KCNQ1: variants seen among roughly 807,000 people sequenced by gnomAD.
The protein encoded by KCNQ1 is potassium voltage-gated channel subfamily Q member 1.
A neutral mutation model predicts 72.4 loss-of-function variants in KCNQ1; 49 were observed. The ratio of observed to expected loss-of-function variants is 0.68; its 90% confidence interval spans 0.54 to 0.86. The LOEUF is 0.86. KCNQ1 is among the 40% of genes least tolerant of loss of function. KCNQ1 has a pLI of 0.00. For missense variants in KCNQ1, 790 were observed against 945.1 expected (o/e 0.84, Z 2.15); for synonymous variants, 450 against 412.6 (o/e 1.09, Z -1.10).
At chr11:2,794,414 G>T (rs528014176) in intron 15 of KCNQ1, among the ~76,000 whole-genome samples, 2 of 152,322 alleles carry the variant, frequency 1.3e-5, no homozygotes, top group South Asian at 4.1e-4. Context: ...CAAAACCCCA[G>T]TGCTTAGAGA....
rs914631826 is a variant in KCNQ1 at position 2,563,100 on chromosome 11, C to G, written c.478-7528C>G. Among the ~76,000 whole-genome samples, 5 of 152,168 alleles carry G rather than the reference C, an allele frequency of 3.3e-5. No homozygotes were observed. The highest frequency in any genetic ancestry group is 1.2e-4 in the African/African-American group (5 of 41,428). Reference sequence around the variant, plus strand: ...TTTCAGGCTGCCCTGTGATCTTTCCCACGTGATTGATTGACACAGGGACCT... The same window carrying G: ...TTTCAGGCTGCCCTGTGATCTTTCCGACGTGATTGATTGACACAGGGACCT... On this transcript the variant is annotated intron_variant, in intron 2 of 15. Coordinates refer to ENST00000155840, the MANE Select transcript of KCNQ1 (RefSeq NM_000218.3). This position sits in a 1 kb window ranked among gnomAD's most constrained non-coding sequence, Gnocchi z 7.4.
intron 12 of KCNQ1, 131 bp from the exon 13 acceptor site, chr11:2,775,829 G>T: frequency 1.2e-6 from 1 of 853,776 alleles, no homozygotes. Context: ...CCAGGCTTAT[G>T]CCATCACCAC....
rs1461520198 is a variant in KCNQ1 at position 2,848,781 on chromosome 11, AAC to A, written c.*784_*785del. The A allele has an allele frequency of 6.6e-6, 3 of 454,092 alleles. No homozygotes were observed. The highest frequency in any genetic ancestry group is 4.7e-5 in the South Asian group (3 of 64,472). The allele number at this position is 454,092 out of a possible 1,614,324, so 28.1% of individuals were successfully genotyped here. On this transcript the variant is annotated 3_prime_UTR_variant, in exon 16 of 16. Transcript: ENST00000155840. Reference sequence around the variant, plus strand: ...CTCGCCCAGTCCCAGCAGCCAGCCAAACACACAGAAGGGGACTGCCACCTCCC... The same window carrying A: ...CTCGCCCAGTCCCAGCAGCCAGCCAAACACAGAAGGGGACTGCCACCTCCC...
intron 11 of KCNQ1, among the ~76,000 whole-genome samples, chr11:2,740,891 A>C (rs1482835603): frequency 6.6e-6 from 1 of 152,196 alleles, no homozygotes; most frequent in Admixed American, 6.5e-5. Flanking sequence ...ACATTGGGCC[A>C]CCCAGAGAAC....
rs1372393402 is a variant in KCNQ1, at chr11:2,659,804, TTG to T, written c.1394-2154_1394-2153del. On this transcript the variant is annotated intron_variant, in intron 10 of 15. Coordinates refer to ENST00000155840, the MANE Select transcript of KCNQ1 (RefSeq NM_000218.3). This position sits in a 1 kb window ranked among gnomAD's most constrained non-coding sequence, Gnocchi z 4.3. The stretch of plus-strand genomic sequence containing the variant: ...TTTTTTTTTAATTTATGGAATTTCA[TTG>T]TGATTCTAATTTGCATTTCCATATT... 2 of 398,502 alleles carry T rather than the reference TTG, an allele frequency of 5.0e-6. No individual in the cohort carries two copies. Among genetic ancestry groups the T allele is most frequent in the African/African-American group, 4.1e-5 (2 of 48,742 alleles). The allele number at this position is 398,502 out of a possible 1,614,324, so 24.7% of individuals were successfully genotyped here.
intron 2 of KCNQ1, among the ~76,000 whole-genome samples, chr11:2,534,230 C>A (rs902959738): frequency 6.6e-6 from 1 of 152,212 alleles, no homozygotes; most frequent in Non-Finnish European, 1.5e-5. Flanking sequence ...CTGTCCTCAG[C>A]GCCCTGGCCT....
intron 15 of KCNQ1, among the ~76,000 whole-genome samples, chr11:2,801,077 A>G (rs112909364): frequency 0.012 from 1,822 of 152,292 alleles, 33 homozygotes; most frequent in African/African-American, 0.041. Context: ...AGGGCCAGGC[A>G]GTGGCTCCTG....
In KCNQ1 at chr11:2,668,675, C is replaced by CAG. The variant is rs954593533; in HGVS notation, c.1514+6604_1514+6605dup. 1.5e-5 allele frequency: 6 copies of CAG among 398,514 alleles called. No homozygotes were observed. The Admixed American group carries it at 1.8e-4, about 12-fold the overall frequency. 24.7% of individuals were successfully genotyped at this position (398,514 alleles called of 1,614,324 possible). ...CTTTAGATATTCTGGAGTCATTTGT[C>CAG]AGAGAGAGAGATACACACACTCACA... On this transcript the variant is annotated intron_variant, in intron 11 of 15. Transcript: ENST00000155840. The surrounding 1 kb of genome is among the most constrained non-coding windows in gnomAD (Gnocchi z 4.3).
In KCNQ1 at chr11:2,612,803, C is replaced by A. The variant is rs763561778; in HGVS notation, c.1393+23949C>A. 2.5e-6 allele frequency: 1 copy of A among 398,334 alleles called. No homozygotes were observed. The highest frequency in any genetic ancestry group is 4.4e-6 in the Non-Finnish European group (1 of 226,024). 24.7% of individuals were successfully genotyped at this position (398,334 alleles called of 1,614,324 possible). ...CACAATTTTCTGTTTCTTTGCATATCTCATTTTTTTTGTTAAAAACTTACT... is the reference window on the plus strand; with the variant it reads ...CACAATTTTCTGTTTCTTTGCATATATCATTTTTTTTGTTAAAAACTTACT... On this transcript the variant is annotated intron_variant, in intron 10 of 15. Coordinates refer to ENST00000155840, the MANE Select transcript of KCNQ1 (RefSeq NM_000218.3). This position sits in a 1 kb window ranked among gnomAD's most constrained non-coding sequence, Gnocchi z 5.5.
intron 10 of KCNQ1, chr11:2,629,480 G>C (rs2133814228): frequency 5.0e-6 from 2 of 398,396 alleles, no homozygotes; most frequent in Admixed American, 8.8e-5. Flanking sequence ...ATTTAGGTCT[G>C]TGGTCCACTT....
rs912283343 is a variant in KCNQ1, at chr11:2,627,969, C to T, written c.1394-33992C>T. On this transcript the variant is annotated intron_variant, in intron 10 of 15. Coordinates refer to ENST00000155840, the MANE Select transcript of KCNQ1 (RefSeq NM_000218.3). The surrounding 1 kb of genome is among the most constrained non-coding windows in gnomAD (Gnocchi z 4.9). Reference sequence around the variant, plus strand: ...GTATCACTATGTTTCCTAGGCTGGTCTCAAACTCCTGTGTTCAAGCTATCC... The same window carrying T: ...GTATCACTATGTTTCCTAGGCTGGTTTCAAACTCCTGTGTTCAAGCTATCC... 7 of 398,440 alleles carry T rather than the reference C, an allele frequency of 1.8e-5. No individual in the cohort carries two copies. The highest frequency in any genetic ancestry group is 1.2e-4 in the African/African-American group (6 of 48,586). The allele number at this position is 398,440 out of a possible 1,614,324, so 24.7% of individuals were successfully genotyped here.
intron 14 of KCNQ1, chr11:2,777,636 C>G: frequency 1.7e-6 from 1 of 587,058 alleles, no homozygotes; most frequent in South Asian, 2.1e-5. Context: ...GCTGTGCCCC[C>G]AGCCTGGAGT....
rs1244904744 is a variant in KCNQ1 at position 2,564,041 on chromosome 11, G to A, written c.478-6587G>A. On this transcript the variant is annotated intron_variant, in intron 2 of 15. Coordinates refer to ENST00000155840, the MANE Select transcript of KCNQ1 (RefSeq NM_000218.3). The surrounding 1 kb of genome is among the most constrained non-coding windows in gnomAD (Gnocchi z 4.5). ...ACCTGACCCGCGGGAGCCCAGGTGA[G>A]CAACCGCCACGGGCCAGGGCCCCTC... 6.6e-6 allele frequency among the ~76,000 whole-genome samples: 1 copy of A among 152,036 alleles called. No homozygotes were observed. The highest frequency in any genetic ancestry group is 1.5e-5 in the Non-Finnish European group (1 of 68,014).
Position 2,481,037 on chromosome 11 carries a change from A to G in KCNQ1, c.386+35553A>G, listed in dbSNP as rs1435087696. ...ATAAGTTTGAAATGAAATCATATAA[A>G]TCGAAAGTTAGAAGAGAATTACCAC... On this transcript the variant is annotated intron_variant, in intron 1 of 15. Coordinates refer to ENST00000155840, the MANE Select transcript of KCNQ1 (RefSeq NM_000218.3). This position sits in a 1 kb window ranked among gnomAD's most constrained non-coding sequence, Gnocchi z 4.6. 2.0e-5 allele frequency among the ~76,000 whole-genome samples: 3 copies of G among 152,170 alleles called. No homozygotes were observed.
chr11:2,685,198 T>C (rs941408174), intron 11 of KCNQ1: 2 of 398,522 alleles, frequency 5.0e-6, no homozygotes, highest in African/African-American at 4.1e-5. Context: ...TTCGTGGGGA[T>C]GGCTGGCACA....
rs1269514468 is a variant in KCNQ1, at chr11:2,803,412, C to T, written c.1794+25375C>T. On this transcript the variant is annotated intron_variant, in intron 15 of 15. Coordinates refer to ENST00000155840, the MANE Select transcript of KCNQ1 (RefSeq NM_000218.3). The surrounding 1 kb of genome is among the most constrained non-coding windows in gnomAD (Gnocchi z 6.4). ...TGGTGTGTGTAGAATGATATTCCCTCCAGACCACGGTGCCTTCTGGGCTCT... is the reference window on the plus strand; with the variant it reads ...TGGTGTGTGTAGAATGATATTCCCTTCAGACCACGGTGCCTTCTGGGCTCT... 6.6e-6 allele frequency among the ~76,000 whole-genome samples: 1 copy of T among 152,212 alleles called. No homozygotes were observed. Among genetic ancestry groups the T allele is most frequent in the Non-Finnish European group, 1.5e-5 (1 of 68,026 alleles).
rs1478249748 is a variant in KCNQ1, at chr11:2,477,359, A to G, written c.386+31875A>G. The stretch of plus-strand genomic sequence containing the variant: ...AAGTCATCAAAAAGTTTTTTCTGGA[A>G]AAGCCTCCAGCCCACGGTGACCTAG... On this transcript the variant is annotated intron_variant, in intron 1 of 15. Transcript: ENST00000155840. The surrounding 1 kb of genome is among the most constrained non-coding windows in gnomAD (Gnocchi z 5.0). Among the ~76,000 whole-genome samples the G allele has an allele frequency of 6.6e-6, 1 of 152,210 alleles. No individual in the cohort carries two copies. The highest frequency in any genetic ancestry group is 1.5e-5 in the Non-Finnish European group (1 of 68,040).
In KCNQ1 at chr11:2,617,808, ATG is replaced by A. The variant is rs775542688; in HGVS notation, c.1393+28958_1393+28959del. 4.5e-5 allele frequency: 18 copies of A among 398,380 alleles called. No individual in the cohort carries two copies. Among genetic ancestry groups the A allele is most frequent in the Non-Finnish European group, 6.6e-5 (15 of 225,996 alleles). 24.7% of individuals were successfully genotyped at this position (398,380 alleles called of 1,614,324 possible). ...AGTGATGTTAAATGTCTTTTCATAT[ATG>A]TGTTTGCCATTTTTATAACTTCTTT... On this transcript the variant is annotated intron_variant, in intron 10 of 15. Coordinates refer to ENST00000155840, the MANE Select transcript of KCNQ1 (RefSeq NM_000218.3). The surrounding 1 kb of genome is among the most constrained non-coding windows in gnomAD (Gnocchi z 4.6).
chr11:2,568,858 T>C (rs2133723512), intron 2 of KCNQ1, among the ~76,000 whole-genome samples: 1 of 152,130 alleles, frequency 6.6e-6, no homozygotes, highest in Non-Finnish European at 1.5e-5. Flanking sequence ...TGTCCACACC[T>C]TTTGTTTTTG....
Sources: gnomAD v4.1 joint callset for allele counts (sites outside exome capture counted in the v4.1 genomes callset) on GRCh38, gnomAD v4.1.1 for gene constraint, Gnocchi (gnomAD v3.1) non-coding constraint, MANE v1.5 for transcripts, NCBI Gene and HGNC (gene_info 2026-07-23, HGNC 2026-07-21) for gene names.